TXNDC5: variants seen among roughly 807,000 people sequenced by gnomAD.
TXNDC5 encodes thioredoxin domain containing 5, also known as thioredoxin domain-containing protein 5.
TXNDC5 carries 44 observed loss-of-function variants against 52.6 expected under a neutral mutation model. The observed-to-expected ratio is 0.84, with a 90% CI of 0.66 to 1.08. The LOEUF is 1.08. TXNDC5 is among the 50% of genes least tolerant of loss of function. TXNDC5 has a pLI of 0.00. For synonymous variants in TXNDC5, 241 were observed against 234.4 expected (o/e 1.03, Z -0.26); for missense variants, 600 against 565.5 (o/e 1.06, Z -0.62).
intron 1 of TXNDC5, among the ~76,000 whole-genome samples, chr6:7,906,485 G>A (rs561353232): frequency 3.1e-5 from 4 of 130,918 alleles, no homozygotes; most frequent in Non-Finnish European, 6.1e-5. Flanking sequence ...GCAGTGAGCC[G>A]AGACCATGCT....
intron 1 of TXNDC5, among the ~76,000 whole-genome samples, chr6:7,906,397 A>G (rs1298105906): frequency 3.3e-5 from 5 of 151,564 alleles, no homozygotes; most frequent in Non-Finnish European, 7.4e-5. Flanking sequence ...TTAGCTGGGC[A>G]TGGTGGCACA....
chr6:7,902,242 G>A (rs1760594290), intron 2 of TXNDC5, among the ~76,000 whole-genome samples: 1 of 152,194 alleles, frequency 6.6e-6, no homozygotes, highest in Non-Finnish European at 1.5e-5. Context: ...CATTTCTATT[G>A]TTTCTGGCCA....
chr6:7,883,096 A>G lies in TXNDC5; in HGVS notation c.*48T>C. ...GGCCTCTGTGGGACTGAACTCCTAA[A>G]CGCAGGGTGCGGGAGCTGGGCAGGA... On this transcript the variant is annotated 3_prime_UTR_variant, in exon 10 of 10. Coordinates refer to ENST00000379757, the MANE Select transcript of TXNDC5 (RefSeq NM_030810.5). 6.2e-7 allele frequency: 1 copy of G among 1,612,476 alleles called. No homozygotes were observed. Among genetic ancestry groups the G allele is most frequent in the Non-Finnish European group, 8.5e-7 (1 of 1,179,120 alleles).
At chr6:7,898,745 AAGG>A (rs1760458249) in intron 3 of TXNDC5, among the ~76,000 whole-genome samples, 1 of 150,554 alleles carries the variant, frequency 6.6e-6, no homozygotes, top group African/African-American at 2.5e-5. Context: ...ACCACCCACA[AAGG>A]AACACTTAAC....
In TXNDC5 at chr6:7,906,812, G is replaced by A. The variant is rs981601789; in HGVS notation, c.264-2089C>T. On this transcript the variant is annotated intron_variant, in intron 1 of 9. Coordinates refer to ENST00000379757, the MANE Select transcript of TXNDC5 (RefSeq NM_030810.5). ...CAGAACCCTGAAGTGTGTGCAAGCTGGGAGATGTGAGGTTTTTGTTCCTCA... is the reference window on the plus strand; with the variant it reads ...CAGAACCCTGAAGTGTGTGCAAGCTAGGAGATGTGAGGTTTTTGTTCCTCA... Among the ~76,000 whole-genome samples the A allele has an allele frequency of 1.7e-4, 26 of 152,132 alleles. No individual in the cohort carries two copies. In the East Asian group the frequency reaches 2.1e-3, roughly 12 times the overall value.
Position 7,883,281 on chromosome 6 carries a change from GAA to G in TXNDC5, c.1177-17_1177-16del, listed in dbSNP as rs545105682. The G allele has an allele frequency of 0.023, 36,490 of 1,613,478 alleles. 531 individuals are homozygous for G. Among genetic ancestry groups the G allele is most frequent in the Middle Eastern group, 0.043 (261 of 6,060 alleles). ...TAGCCTCGTACCTTAAAACAAAAAAGAAAAAAGTTTGCAAACCAGCGGTCCAG... is the reference window on the plus strand; with the variant it reads ...TAGCCTCGTACCTTAAAACAAAAAAGAAAAGTTTGCAAACCAGCGGTCCAG... On this transcript the variant is annotated splice_polypyrimidine_tract_variant and intron_variant, in intron 9 of 9. Coordinates refer to ENST00000379757, the MANE Select transcript of TXNDC5 (RefSeq NM_030810.5).
chr6:7,887,707 A>G (rs968737702), intron 7 of TXNDC5, among the ~76,000 whole-genome samples: 1 of 152,124 alleles, frequency 6.6e-6, no homozygotes, highest in Admixed American at 6.5e-5. Context: ...TATGGGATAC[A>G]GTTCCTAATC....
rs1038141983 is a variant in TXNDC5 at position 7,894,954 on chromosome 6, G to A, written c.616+152C>T. On this transcript the variant is annotated intron_variant, in intron 4 of 9. Transcript: ENST00000379757. ...ACTCATGTTTTAGAGGAGGTGCACT[G>A]AACAACGGTCCCAACAGCTCCTCTA... 6.3e-6 allele frequency: 9 copies of A among 1,431,186 alleles called. No individual in the cohort carries two copies. In the Admixed American group the frequency reaches 2.3e-4, roughly 36 times the overall value. 88.7% of individuals were successfully genotyped at this position (1,431,186 alleles called of 1,614,324 possible). A position where few individuals can be genotyped will look rare whatever the true frequency, so the allele number is the denominator to read the frequency against.
intron 1 of TXNDC5, among the ~76,000 whole-genome samples, chr6:7,905,827 C>T (rs1760712144): frequency 1.3e-5 from 2 of 151,614 alleles, no homozygotes; most frequent in African/African-American, 4.9e-5. Context: ...TTTTAAAATG[C>T]TTTTTTTTTA....
intron 7 of TXNDC5, among the ~76,000 whole-genome samples, chr6:7,887,183 C>T (rs570322889): frequency 1.3e-5 from 2 of 152,058 alleles, no homozygotes; most frequent in South Asian, 4.1e-4. Flanking sequence ...GTGAGGAGGC[C>T]TGGTGTGGCC....
At chr6:7,904,418 C>T (rs1268381044) in intron 2 of TXNDC5, among the ~76,000 whole-genome samples, 156 bp downstream of exon 2, 1 of 152,210 alleles carries the variant, frequency 6.6e-6, no homozygotes, top group East Asian at 1.9e-4. Flanking sequence ...TAAAAGCCAT[C>T]TAAAACAGAC....
At chr6:7,887,889 G>A (rs1403357253) in intron 7 of TXNDC5, among the ~76,000 whole-genome samples, 1 of 152,004 alleles carries the variant, frequency 6.6e-6, no homozygotes, top group Admixed American at 6.6e-5. Flanking sequence ...CTCAGTGGCA[G>A]CCCTGCCCAG....
At position 7,888,652 on chromosome 6, in the gene TXNDC5, G is replaced by A. The variant is rs758411923; in HGVS notation, c.963+53C>T. On this transcript the variant is annotated intron_variant, in intron 7 of 9. Coordinates refer to ENST00000379757, the MANE Select transcript of TXNDC5 (RefSeq NM_030810.5). ...AGGCCTCTGAGGGTGGGGAGGTGGG[G>A]GGCCGGGGGCCACGGGCCACTTATG... The A allele has an allele frequency of 1.1e-5, 17 of 1,559,354 alleles. No individual in the cohort carries two copies. In the South Asian group the frequency reaches 1.9e-4, roughly 18 times the overall value.
At chr6:7,883,650 C>T (rs1041394784) in intron 9 of TXNDC5, among the ~76,000 whole-genome samples, 1 of 152,132 alleles carries the variant, frequency 6.6e-6, no homozygotes, top group Non-Finnish European at 1.5e-5. Context: ...GTCTGCAGAC[C>T]AGACCATGAG....
intron 5 of TXNDC5, among the ~76,000 whole-genome samples, chr6:7,889,928 G>C (rs142452643): frequency 1.4e-3 from 219 of 152,288 alleles, no homozygotes; most frequent in Non-Finnish European, 2.4e-3. Context: ...GTGGTGGGAG[G>C]GGGGTTAGCC....
At chr6:7,885,630 G>T (rs1759940957) in intron 8 of TXNDC5, among the ~76,000 whole-genome samples, 1 of 152,220 alleles carries the variant, frequency 6.6e-6, no homozygotes, top group Non-Finnish European at 1.5e-5. Flanking sequence ...ATTTGGAAAA[G>T]TGCAGATACC....
chr6:7,898,466 C>T lies in TXNDC5; in HGVS notation c.519+1110G>A, dbSNP rs548529214. On this transcript the variant is annotated intron_variant, in intron 3 of 9. Transcript: ENST00000379757. ...AGAGCGGAAGAGCCGCACAGACACACTGGAAACTGGCAACAGTAAGCGGCA... is the reference window on the plus strand; with the variant it reads ...AGAGCGGAAGAGCCGCACAGACACATTGGAAACTGGCAACAGTAAGCGGCA... 2.6e-5 allele frequency among the ~76,000 whole-genome samples: 4 copies of T among 152,262 alleles called. No homozygotes were observed. In the East Asian group the frequency reaches 7.7e-4, roughly 29 times the overall value.
intron 9 of TXNDC5, among the ~76,000 whole-genome samples, chr6:7,883,812 A>G (rs1759855322): frequency 6.6e-6 from 1 of 152,234 alleles, no homozygotes; most frequent in Non-Finnish European, 1.5e-5. Context: ...TGTCTGAATA[A>G]CAAAGAAGAA....
At chr6:7,909,200 A>G (rs926848853) in intron 1 of TXNDC5, among the ~76,000 whole-genome samples, 3 of 152,230 alleles carry the variant, frequency 2.0e-5, no homozygotes, top group Non-Finnish European at 2.9e-5. Flanking sequence ...TGAAAGGTAC[A>G]ATTTCTGAAC....
Sources: gnomAD v4.1 joint callset for allele counts (sites outside exome capture counted in the v4.1 genomes callset) on GRCh38, gnomAD v4.1.1 for gene constraint, MANE v1.5 for transcripts, NCBI Gene and HGNC (gene_info 2026-07-23, HGNC 2026-07-21) for gene names.